SMC1A: variants seen among roughly 807,000 people sequenced by gnomAD.
The protein encoded by SMC1A is structural maintenance of chromosomes 1A.
Under a neutral mutation model 94.5 loss-of-function variants are expected in SMC1A, and 4 were observed. That is an observed-to-expected ratio of 0.04 (90% CI 0.02 to 0.10). The LOEUF is 0.10. Among genes scored for constraint, SMC1A ranks in the 10% least tolerant of loss-of-function variants. The pLI is 1.00. For synonymous variants in SMC1A, 345 were observed against 347.7 expected, an observed-to-expected ratio of 0.99 and a Z score of 0.09; for missense variants, 304 against 989.0, an observed-to-expected ratio of 0.31 and a Z score of 9.29.
In SMC1A at chrX:53,403,825, A is replaced by G; in HGVS notation, c.2265T>C (p.Ile755=). ...CTTTCATTTCCCTCTCTCGGCTCTG[A>G]ATGATCCTCTTGATATCATTAATGC... ...GPRINDIKRI[I]QSREREMKDL... is the part of the protein sequence containing the mutation. The change falls in exon 14 of 25, where the codon ATT becomes ATC. Residue 755 remains isoleucine (I), a synonymous_variant. Transcript: ENST00000322213. The G allele has an allele frequency of 8.3e-7, 1 of 1,211,198 alleles. No homozygotes were observed. The highest frequency in any genetic ancestry group is 2.2e-5 in the Admixed American group (1 of 45,980).
chrX:53,385,395 C>T (rs782421447), intron 19 of SMC1A, among the ~76,000 whole-genome samples: 104 of 107,199 alleles, frequency 9.7e-4, no homozygotes, highest in Non-Finnish European at 1.5e-3. Context: ...CTCAGCCTCC[C>T]GAATAGCTGG....
intron 19 of SMC1A, among the ~76,000 whole-genome samples, chrX:53,384,635 T>C (rs1437764985): frequency 9.0e-6 from 1 of 110,958 alleles, no homozygotes; most frequent in East Asian, 2.8e-4. Context: ...GGTCCGTTCA[T>C]CAAACTGAAA....
chrX:53,405,622 C>G lies in SMC1A; in HGVS notation c.1782G>C (p.Val594=). Residue 594 remains valine, a synonymous_variant, in exon 11 of 25, where the codon GTG becomes GTC. Transcript: ENST00000322213. Reference sequence around the variant, plus strand: ...GTGGCTCATAGCGAATCACATCAATCACTAGCTTGGCCCCCTTCAGCTCCC... The same window carrying G: ...GTGGCTCATAGCGAATCACATCAATGACTAGCTTGGCCCCCTTCAGCTCCC... The part of the protein sequence containing the change: ...KLRELKGAKL[V]IDVIRYEPPH... 1.7e-6 allele frequency: 2 copies of G among 1,211,858 alleles called. No individual in the cohort carries two copies. Among genetic ancestry groups the G allele is most frequent in the Non-Finnish European group, 2.2e-6 (2 of 895,507 alleles).
chrX:53,405,478 C>G lies in SMC1A; in HGVS notation c.1911+15G>C. On this transcript the variant is annotated intron_variant, in intron 11 of 24. Coordinates refer to ENST00000322213, the MANE Select transcript of SMC1A (RefSeq NM_006306.4). ...TGAGCCTGTCCAGCTCCAGCCTGGG[C>G]AAGGGAATCCACACCTTGTGGCGCT... 8.3e-7 allele frequency: 1 copy of G among 1,211,893 alleles called. No homozygotes were observed.
chrX:53,385,618 G>C (rs1319985434), intron 19 of SMC1A, among the ~76,000 whole-genome samples: 2 of 110,190 alleles, frequency 1.8e-5, no homozygotes, highest in Non-Finnish European at 3.8e-5. Flanking sequence ...ACACAATAGT[G>C]TATCTATATT....
At chrX:53,400,419 G>T (rs2075666612) in intron 15 of SMC1A, among the ~76,000 whole-genome samples, 2 of 111,755 alleles carry the variant, frequency 1.8e-5, no homozygotes, top group Admixed American at 9.5e-5. Flanking sequence ...CATAATAATA[G>T]TACCTACCTC....
At chrX:53,399,137 C>T (rs921355521) in intron 16 of SMC1A, among the ~76,000 whole-genome samples, 1 of 110,939 alleles carries the variant, frequency 9.0e-6, no homozygotes, top group Non-Finnish European at 1.9e-5. Context: ...GCTTGGGAGG[C>T]TGAGGCAGGA....
In SMC1A at chrX:53,378,893, G is replaced by T. The variant is rs782608322; in HGVS notation, c.*1210C>A. 1 of 111,740 alleles carries T rather than the reference G, an allele frequency of 8.9e-6. No homozygotes were observed. The highest frequency in any genetic ancestry group is 3.7e-4 in the South Asian group (1 of 2,668). The allele number at this position is 111,740 out of a possible 1,213,427, so 9.2% of individuals were successfully genotyped here. A position where few individuals can be genotyped will look rare whatever the true frequency, so the allele number is the denominator to read the frequency against. On this transcript the variant is annotated 3_prime_UTR_variant, in exon 25 of 25. Transcript: ENST00000322213. ...CCTCACAACCCAGATTGGGGCTCAGGCACCCGGTTACCAGACATGATTGAA... is the reference window on the plus strand; with the variant it reads ...CCTCACAACCCAGATTGGGGCTCAGTCACCCGGTTACCAGACATGATTGAA...
rs2075564975 is a variant in SMC1A at position 53,377,644 on chromosome X, T to C, written c.*2459A>G. On this transcript the variant is annotated 3_prime_UTR_variant, in exon 25 of 25. Coordinates refer to ENST00000322213, the MANE Select transcript of SMC1A (RefSeq NM_006306.4). ...TGGAAGACCTGGGTTCAAACCTTTT[T>C]GGGCCTCAGTTTCCTTATCTGTAAA... 1 of 111,826 alleles carries C rather than the reference T, an allele frequency of 8.9e-6. No individual in the cohort carries two copies. The highest frequency in any genetic ancestry group is 1.9e-5 in the Non-Finnish European group (1 of 53,198). The allele number at this position is 111,826 out of a possible 1,213,427, so 9.2% of individuals were successfully genotyped here. A position where few individuals can be genotyped will look rare whatever the true frequency, so the allele number is the denominator to read the frequency against.
At chrX:53,421,940 TA>T (rs1295863750) in intron 1 of SMC1A, 2 of 1,208,352 alleles carry the variant, frequency 1.7e-6, no homozygotes, top group East Asian at 5.9e-5. Flanking sequence ...TCAAGCATTC[TA>T]AAGACTGGAG....
At chrX:53,405,700 G>T in intron 10 of SMC1A, 28 bp from the exon 11 acceptor site, 1 of 1,210,349 alleles carries the variant, frequency 8.3e-7, no homozygotes, top group South Asian at 1.8e-5. Context: ...GTCAGTGGCA[G>T]AACACAAACA....
intron 17 of SMC1A, 22 bp from the exon 18 acceptor site, chrX:53,396,402 G>A (rs1324981587): frequency 3.3e-6 from 4 of 1,209,168 alleles, no homozygotes; most frequent in Non-Finnish European, 4.5e-6. Context: ...CCAGGGGCTA[G>A]GTGAGACCCA....
At chrX:53,383,321 T>C in intron 19 of SMC1A, 68 bp from the exon 20 acceptor site, 5 of 1,077,152 alleles carry the variant, frequency 4.6e-6, no homozygotes, top group South Asian at 2.0e-5. Context: ...CACCGAAAGA[T>C]GACTGACTGA....
rs782799463 is a variant in SMC1A, at chrX:53,374,384, TACTG to T, written c.*5715_*5718del. On this transcript the variant is annotated 3_prime_UTR_variant, in exon 25 of 25. Coordinates refer to ENST00000322213, the MANE Select transcript of SMC1A (RefSeq NM_006306.4). ...GCTGTATTTATACTCCTCCTACTGC[TACTG>T]ACTAACTTCTTTCTGCCCCCCTCGA... 5 of 111,933 alleles carry T rather than the reference TACTG, an allele frequency of 4.5e-5. No homozygotes were observed. The highest frequency in any genetic ancestry group is 1.3e-4 in the African/African-American group (4 of 30,784). 9.2% of individuals were successfully genotyped at this position (111,933 alleles called of 1,213,427 possible). A position where few individuals can be genotyped will look rare whatever the true frequency, so the allele number is the denominator to read the frequency against.
chrX:53,382,792 T>C (rs1271109422), intron 20 of SMC1A, 132 bp from the exon 21 acceptor site: 6 of 783,199 alleles, frequency 7.7e-6, no homozygotes, highest in Non-Finnish European at 1.1e-5. Flanking sequence ...CTGTATCCAG[T>C]GGACTGGCCA....
chrX:53,386,095 C>T (rs1310040174), intron 19 of SMC1A, among the ~76,000 whole-genome samples: 2 of 111,291 alleles, frequency 1.8e-5, no homozygotes, highest in Non-Finnish European at 3.8e-5. Flanking sequence ...AATGTTCTTG[C>T]CAAAAAATAC....
rs2075564987 is a variant in SMC1A at position 53,377,644 on chromosome X, TG to T, written c.*2458del. 1 of 111,879 alleles carries T rather than the reference TG, an allele frequency of 8.9e-6. No homozygotes were observed. The highest frequency in any genetic ancestry group is 3.7e-4 in the South Asian group (1 of 2,679). The allele number at this position is 111,879 out of a possible 1,213,427, so 9.2% of individuals were successfully genotyped here. A position where few individuals can be genotyped will look rare whatever the true frequency, so the allele number is the denominator to read the frequency against. On this transcript the variant is annotated 3_prime_UTR_variant, in exon 25 of 25. Transcript: ENST00000322213. ...TGGAAGACCTGGGTTCAAACCTTTT[TG>T]GGCCTCAGTTTCCTTATCTGTAAAG...
Position 53,409,057 on chromosome X carries a change from C to T in SMC1A, c.1545+5G>A, listed in dbSNP as rs113714434. 5 of 1,205,734 alleles carry T rather than the reference C, an allele frequency of 4.1e-6. No individual in the cohort carries two copies. The highest frequency in any genetic ancestry group is 1.8e-5 in the African/African-American group (1 of 56,907). On this transcript the variant is annotated splice_donor_5th_base_variant and intron_variant, in intron 9 of 24. Coordinates refer to ENST00000322213, the MANE Select transcript of SMC1A (RefSeq NM_006306.4). ...TCAGGAAATGAGTTCCCTCTCTGCT[C>T]TTACCACAGAGCCAGGGTAAAGGCG...
At position 53,375,160 on chromosome X, in the gene SMC1A, G is replaced by C. The variant is rs1272751277; in HGVS notation, c.*4943C>G. The C allele has an allele frequency of 8.9e-6, 1 of 112,303 alleles. No homozygotes were observed. 9.3% of individuals were successfully genotyped at this position (112,303 alleles called of 1,213,427 possible). ...CTGCAAGCATGGCAGGTTTGCTAAG[G>C]GTTTCCAGAAGGGGGCAGTGTAATT... On this transcript the variant is annotated 3_prime_UTR_variant, in exon 25 of 25. Transcript: ENST00000322213.
Sources: allele counts gnomAD v4.1 joint callset (sites outside exome capture counted in the v4.1 genomes callset), GRCh38; gene constraint gnomAD v4.1.1; transcripts MANE v1.5; gene names NCBI Gene and HGNC (gene_info 2026-07-23, HGNC 2026-07-21).